NIBAN1: variants seen among roughly 807,000 people sequenced by gnomAD.
NIBAN1 encodes the protein protein Niban 1.
NIBAN1 carries 81 observed loss-of-function variants against 75.1 expected under a neutral mutation model. That is an observed-to-expected ratio of 1.08 (90% CI 0.90 to 1.30). NIBAN1 has a LOEUF of 1.30. Ranked by LOEUF, NIBAN1 falls within the 50% of genes most tolerant of loss-of-function variation. The pLI, the probability that NIBAN1 is intolerant of heterozygous loss-of-function variation, is 0.00. For synonymous variants in NIBAN1, 436 were observed against 424.8 expected (o/e 1.03, Z -0.32); for missense variants, 1,133 against 1,128.1 (o/e 1.00, Z -0.06).
intron 5 of NIBAN1, among the ~76,000 whole-genome samples, chr1:184,871,176 G>A (rs930649720): frequency 5.9e-5 from 9 of 151,582 alleles, no homozygotes; most frequent in East Asian, 1.9e-4. Flanking sequence ...GTGAAACCCC[G>A]TCTCTACTAA....
intron 1 of NIBAN1, among the ~76,000 whole-genome samples, chr1:184,939,972 G>A (rs1249092430): frequency 2.6e-5 from 4 of 152,150 alleles, no homozygotes; most frequent in Admixed American, 6.5e-5. Flanking sequence ...ATCTGGTTCC[G>A]GGAGTGTCTC....
intron 5 of NIBAN1, among the ~76,000 whole-genome samples, chr1:184,860,936 CAT>C (rs1251097248): frequency 1.3e-5 from 2 of 152,218 alleles, no homozygotes; most frequent in African/African-American, 2.4e-5. Flanking sequence ...TGTGCCCACA[CAT>C]GTTTCAGTCA....
intron 12 of NIBAN1, among the ~76,000 whole-genome samples, chr1:184,802,783 G>C (rs942152800): frequency 6.6e-6 from 1 of 152,150 alleles, no homozygotes; most frequent in African/African-American, 2.4e-5. Context: ...GATTATTTTT[G>C]AAATGTAGAA....
intron 1 of NIBAN1, among the ~76,000 whole-genome samples, chr1:184,954,222 C>A (rs1296194429): frequency 2.6e-5 from 4 of 152,090 alleles, no homozygotes; most frequent in Non-Finnish European, 5.9e-5. Flanking sequence ...TATTCCAGAC[C>A]TTGGGAATTT....
At chr1:184,859,289 T>A (rs1363612583) in intron 5 of NIBAN1, among the ~76,000 whole-genome samples, 1 of 152,204 alleles carries the variant, frequency 6.6e-6, no homozygotes, top group Non-Finnish European at 1.5e-5. Context: ...TCATTCATTA[T>A]TTGGCTCAAT....
chr1:184,900,446 A>G (rs1002634474), intron 1 of NIBAN1, among the ~76,000 whole-genome samples: 1 of 152,208 alleles, frequency 6.6e-6, no homozygotes, highest in Non-Finnish European at 1.5e-5. Context: ...TCTGCATGCC[A>G]TTGAAATATA....
At chr1:184,953,262 A>G (rs943203374) in intron 1 of NIBAN1, among the ~76,000 whole-genome samples, 4 of 152,214 alleles carry the variant, frequency 2.6e-5, no homozygotes, top group African/African-American at 9.6e-5. Flanking sequence ...TAGCACAGCT[A>G]GCAAGAGATG....
At chr1:184,899,122 G>C in intron 2 of NIBAN1, 57 bp downstream of exon 2, 3 of 1,581,508 alleles carry the variant, frequency 1.9e-6, no homozygotes, top group Non-Finnish European at 2.6e-6. Flanking sequence ...AAATACGGCT[G>C]TGCTATATAG....
rs961925913 is a variant in NIBAN1 at position 184,952,128 on chromosome 1, T to C, written c.55+22174A>G. 2.0e-5 allele frequency among the ~76,000 whole-genome samples: 3 copies of C among 152,204 alleles called. No individual in the cohort carries two copies. The East Asian group carries it at 5.8e-4, about 29-fold the overall frequency. ...TTATAAGAAATAGATAGGCCAGGCA[T>C]GATGGCTTACGCCTATAATCCCAGC... On this transcript the variant is annotated intron_variant, in intron 1 of 13. Transcript: ENST00000367511.
chr1:184,888,935 T>A (rs1354299013), intron 4 of NIBAN1, among the ~76,000 whole-genome samples: 7 of 152,386 alleles, frequency 4.6e-5, no homozygotes, highest in Middle Eastern at 3.4e-3. Context: ...ATGGTCCATG[T>A]ACCAATCCTG....
intron 1 of NIBAN1, among the ~76,000 whole-genome samples, chr1:184,921,156 G>T (rs1259601674): frequency 6.6e-6 from 1 of 151,304 alleles, no homozygotes; most frequent in Non-Finnish European, 1.5e-5. Context: ...AATTAGCCGG[G>T]CGTGGTGGCA....
intron 1 of NIBAN1, among the ~76,000 whole-genome samples, chr1:184,926,120 A>AT (rs375136862): frequency 7.6e-4 from 114 of 150,082 alleles, no homozygotes; most frequent in African/African-American, 2.4e-3. Flanking sequence ...GATACAAGGT[A>AT]TTTTTTTTTT....
intron 1 of NIBAN1, among the ~76,000 whole-genome samples, chr1:184,942,325 T>A (rs534217879): frequency 3.9e-5 from 6 of 152,374 alleles, no homozygotes; most frequent in Admixed American, 3.3e-4. Flanking sequence ...TTAAAAGAGA[T>A]GCAATCTGTG....
At chr1:184,936,651 G>T (rs1657969169) in intron 1 of NIBAN1, among the ~76,000 whole-genome samples, 1 of 152,168 alleles carries the variant, frequency 6.6e-6, no homozygotes, top group Admixed American at 6.5e-5. Flanking sequence ...TCCTGGGCTT[G>T]TGGCTGCATC....
intron 10 of NIBAN1, 62 bp downstream of exon 10, chr1:184,808,012 A>G: frequency 2.5e-6 from 4 of 1,590,356 alleles, no homozygotes; most frequent in Non-Finnish European, 3.4e-6. Flanking sequence ...CTCACTGGCC[A>G]GCACCCATTT....
chr1:184,870,524 C>T (rs1219655213), intron 5 of NIBAN1, among the ~76,000 whole-genome samples: 1 of 152,082 alleles, frequency 6.6e-6, no homozygotes, highest in East Asian at 1.9e-4. Context: ...AGTCATTTCC[C>T]CCGCTGTCAA....
chr1:184,864,353 C>T (rs1165388318), intron 5 of NIBAN1, among the ~76,000 whole-genome samples: 5 of 152,112 alleles, frequency 3.3e-5, no homozygotes, highest in Admixed American at 2.0e-4. Flanking sequence ...AACGTACAAA[C>T]CATTTCATTT....
chr1:184,805,077 T>C (rs1654157740), intron 11 of NIBAN1, among the ~76,000 whole-genome samples: 1 of 152,200 alleles, frequency 6.6e-6, no homozygotes, highest in Admixed American at 6.5e-5. Flanking sequence ...CGTGAGCCAC[T>C]GTGCCCGGCC....
intron 4 of NIBAN1, among the ~76,000 whole-genome samples, chr1:184,885,903 T>C (rs1185198249): frequency 1.3e-5 from 2 of 152,100 alleles, no homozygotes; most frequent in African/African-American, 4.8e-5. Context: ...TTTGTAGAAT[T>C]TTGTTTCTTC....
Sources: gnomAD v4.1 joint callset for allele counts (sites outside exome capture counted in the v4.1 genomes callset) on GRCh38, gnomAD v4.1.1 for gene constraint, MANE v1.5 for transcripts, NCBI Gene and HGNC (gene_info 2026-07-23, HGNC 2026-07-21) for gene names.